SMIM36: variants seen among roughly 807,000 people sequenced by gnomAD.
SMIM36 encodes the protein small integral membrane protein 36.
At position 55,483,616 on chromosome 17, in the gene SMIM36, C is replaced by T. The variant is rs577131001; in HGVS notation, c.*175-4036G>A. Among the ~76,000 whole-genome samples, 3 of 152,246 alleles carry T rather than the reference C, an allele frequency of 2.0e-5. No homozygotes were observed. In the South Asian group the frequency reaches 6.2e-4, roughly 32 times the overall value. ...GTTTCTAGTCTGCCTGCCTGCCCTA[C>T]ATATTTCAGAAATGCCAGCCCCCAA... On this transcript the variant is annotated intron_variant, in intron 1 of 4. Transcript: ENST00000636752.
chr17:55,513,023 C>G (rs8074541), upstream of SMIM36, among the ~76,000 whole-genome samples: 31,909 of 151,976 alleles, frequency 0.21, 4,706 homozygotes, highest in African/African-American at 0.37. Flanking sequence ...TTCTATGGTC[C>G]TGGACTAACT....
chr17:55,501,353 T>TATAAA (rs1909961221), intron 1 of SMIM36, among the ~76,000 whole-genome samples: 1 of 63,488 alleles, frequency 1.6e-5, no homozygotes, highest in Non-Finnish European at 2.2e-5. Flanking sequence ...ATATTATATT[T>TATAAA]TATAATATAT....
intron 1 of SMIM36, among the ~76,000 whole-genome samples, chr17:55,508,857 A>T (rs1272155346): frequency 7.2e-6 from 1 of 138,866 alleles, no homozygotes; most frequent in East Asian, 2.3e-4. Flanking sequence ...CGGGAGGCGG[A>T]GGTTGCAGTG....
intron 4 of SMIM36, among the ~76,000 whole-genome samples, chr17:55,464,545 G>C (rs1909202778): frequency 1.3e-5 from 2 of 151,998 alleles, no homozygotes; most frequent in South Asian, 4.1e-4. Flanking sequence ...AGGCTCACAA[G>C]ATAAATACAT....
intron 1 of SMIM36, among the ~76,000 whole-genome samples, chr17:55,507,934 A>C (rs1910107562): frequency 6.6e-6 from 1 of 152,084 alleles, no homozygotes; most frequent in Admixed American, 6.5e-5. Context: ...ATAAAAATTA[A>C]AGAGCTCTGC....
the SMIM36 span, among the ~76,000 whole-genome samples, chr17:55,522,865 T>A: frequency 6.6e-6 from 1 of 152,174 alleles, no homozygotes; most frequent in East Asian, 1.9e-4. Flanking sequence ...TTTGTTGTAT[T>A]CATTGTATCC....
At chr17:55,525,902 C>A in the SMIM36 span, among the ~76,000 whole-genome samples, 18 of 152,238 alleles carry the variant, frequency 1.2e-4, no homozygotes, top group African/African-American at 4.3e-4. Flanking sequence ...AAGCGATCCG[C>A]CTGCCTCGAC....
chr17:55,457,037 T>C (rs568202783), intron 4 of SMIM36, among the ~76,000 whole-genome samples: 2 of 152,314 alleles, frequency 1.3e-5, no homozygotes, highest in Middle Eastern at 6.8e-3. Flanking sequence ...TAATGTAATG[T>C]TTTTCCTCAA....
chr17:55,528,761 C>T, the SMIM36 span, among the ~76,000 whole-genome samples: 10 of 151,862 alleles, frequency 6.6e-5, no homozygotes, highest in East Asian at 1.9e-4. Flanking sequence ...ATGTTGGCCA[C>T]GCTGGTCTCG....
upstream of SMIM36, among the ~76,000 whole-genome samples, chr17:55,512,438 C>G (rs1329268627): frequency 6.6e-6 from 1 of 152,228 alleles, no homozygotes. Context: ...GGGAGTGACA[C>G]TACTGAATTT....
At chr17:55,516,216 T>C (rs1303801553), upstream of SMIM36, among the ~76,000 whole-genome samples, 1 of 152,170 alleles carries the variant, frequency 6.6e-6, no homozygotes, top group Non-Finnish European at 1.5e-5. Flanking sequence ...CTAGGGATAA[T>C]ATTTTTAAGA....
chr17:55,472,514 C>T (rs887402185), intron 3 of SMIM36, among the ~76,000 whole-genome samples: 9 of 152,258 alleles, frequency 5.9e-5, no homozygotes, highest in South Asian at 4.1e-4. Flanking sequence ...GCTCTGCTGC[C>T]GGCCAAGGCA....
chr17:55,468,644 A>C (rs1598449202), intron 3 of SMIM36, among the ~76,000 whole-genome samples: 2 of 152,088 alleles, frequency 1.3e-5, no homozygotes, highest in East Asian at 3.9e-4. Flanking sequence ...ATGCTCACCC[A>C]CATTACAGCC....
At chr17:55,451,537 C>A (rs1249116997) in intron 4 of SMIM36, among the ~76,000 whole-genome samples, 2 of 152,118 alleles carry the variant, frequency 1.3e-5, no homozygotes, top group Non-Finnish European at 2.9e-5. Flanking sequence ...CAGGCTGAAA[C>A]AGTCTTGTTT....
intron 4 of SMIM36, among the ~76,000 whole-genome samples, chr17:55,452,102 C>CAAAAAA (rs1156887430): frequency 9.7e-5 from 5 of 51,656 alleles, no homozygotes; most frequent in Admixed American, 2.8e-4. Flanking sequence ...TCAATCTCTA[C>CAAAAAA]AAAAAAAAAA....
chr17:55,510,179 G>T (rs374336650), intron 1 of SMIM36, among the ~76,000 whole-genome samples: 15 of 151,784 alleles, frequency 9.9e-5, no homozygotes, highest in Admixed American at 5.3e-4. Flanking sequence ...GAAGAGGCAG[G>T]ATTTGAACCC....
chr17:55,486,199 T>G (rs570343737), intron 1 of SMIM36, among the ~76,000 whole-genome samples: 1 of 152,132 alleles, frequency 6.6e-6, no homozygotes, highest in African/African-American at 2.4e-5. Context: ...CATACACAGC[T>G]AATTTTTTTT....
chr17:55,525,446 GA>G, the SMIM36 span, among the ~76,000 whole-genome samples: 2 of 152,052 alleles, frequency 1.3e-5, no homozygotes. Context: ...CTTCTCCTCT[GA>G]AAATTTCATT....
chr17:55,511,586 G>A (rs549312118), upstream of SMIM36: 3 of 228,584 alleles, frequency 1.3e-5, no homozygotes, highest in Non-Finnish European at 2.6e-5. Flanking sequence ...GAGAGAGAAA[G>A]AGAGAGAGAG....
Sources: gnomAD v4.1 joint callset for allele counts (sites outside exome capture counted in the v4.1 genomes callset) on GRCh38, gnomAD v4.1.1 for gene constraint, MANE v1.5 for transcripts, NCBI Gene and HGNC (gene_info 2026-07-23, HGNC 2026-07-21) for gene names.